The following MGMT variants were observed in gnomAD, a reference collection of about 807,000 sequenced individuals.
The protein encoded by MGMT is methylated-DNA--protein-cysteine methyltransferase.
Under a neutral mutation model 15.9 loss-of-function variants are expected in MGMT, and 14 were observed. That is an observed-to-expected ratio of 0.88 (90% confidence interval 0.58 to 1.37). MGMT has a LOEUF of 1.37. Ranked by LOEUF, MGMT falls within the 40% of genes most tolerant of loss-of-function variation. The probability of loss-of-function intolerance (pLI) is 0.00; values close to 1 mark genes in which losing one functional copy is unlikely to be tolerated. For synonymous variants in MGMT, 130 were observed against 118.2 expected, an observed-to-expected ratio of 1.10 and a Z score of -0.65; for missense variants, 282 against 268.1, an observed-to-expected ratio of 1.05 and a Z score of -0.36.
At chr10:129,616,245 C>T (rs1181370107) in intron 2 of MGMT, among the ~76,000 whole-genome samples, 1 of 152,178 alleles carries the variant, frequency 6.6e-6, no homozygotes, top group African/African-American at 2.4e-5. Context: ...ACGCATGCCA[C>T]GGTGCTTAGG....
At chr10:129,675,588 A>G (rs1054855267) in intron 2 of MGMT, among the ~76,000 whole-genome samples, 2 of 152,048 alleles carry the variant, frequency 1.3e-5, no homozygotes, top group African/African-American at 2.4e-5. Context: ...GGCGGGAACA[A>G]CGCTTCAACC....
chr10:129,766,747 C>T (rs758250031), intron 4 of MGMT, 41 bp from the exon 5 acceptor site: 1 of 1,575,702 alleles, frequency 6.3e-7, no homozygotes, highest in Non-Finnish European at 8.6e-7. Flanking sequence ...ACCTCGTTGT[C>T]CAGATCCCTG....
At chr10:129,579,941 G>T (rs1375434239) in intron 2 of MGMT, among the ~76,000 whole-genome samples, 2 of 152,206 alleles carry the variant, frequency 1.3e-5, no homozygotes, top group Non-Finnish European at 2.9e-5. Flanking sequence ...CAGCCACCCA[G>T]GCCTGCCCGT....
chr10:129,572,052 C>T (rs960066247), intron 2 of MGMT, among the ~76,000 whole-genome samples: 1 of 152,168 alleles, frequency 6.6e-6, no homozygotes, highest in Non-Finnish European at 1.5e-5. Context: ...AAGCTATAAT[C>T]TTCCTTTAGT....
At chr10:129,657,679 A>ACACACACACACACACACACACACACACG (rs1414934933) in intron 2 of MGMT, among the ~76,000 whole-genome samples, 2 of 126,070 alleles carry the variant, frequency 1.6e-5, no homozygotes, top group African/African-American at 6.6e-5. Context: ...CCTCCAACAC[A>ACACACACACACACACACACACACACACG]CACACACACA....
chr10:129,471,373 T>C (rs1491003142), intron 1 of MGMT, among the ~76,000 whole-genome samples: 2 of 152,336 alleles, frequency 1.3e-5, no homozygotes, highest in East Asian at 3.9e-4. Context: ...GCATTATATG[T>C]TGAAATGCAA....
At chr10:129,583,411 T>G (rs918458778) in intron 2 of MGMT, among the ~76,000 whole-genome samples, 4 of 152,224 alleles carry the variant, frequency 2.6e-5, no homozygotes, top group Non-Finnish European at 4.4e-5. Flanking sequence ...TCATCAGATT[T>G]TTGAAGGCAA....
At chr10:129,699,927 G>A (rs1444025832) in intron 2 of MGMT, among the ~76,000 whole-genome samples, 2 of 151,996 alleles carry the variant, frequency 1.3e-5, no homozygotes, top group African/African-American at 4.8e-5. Flanking sequence ...GTGATAAGTG[G>A]GAGGCCCTCT....
At chr10:129,700,604 C>T (rs554990157) in intron 2 of MGMT, 2 of 152,262 alleles carry the variant, frequency 1.3e-5, no homozygotes, top group South Asian at 4.1e-4. Context: ...CACCACTAAC[C>T]GCATGCATTT....
At chr10:129,551,723 T>C (rs57484382) in intron 2 of MGMT, among the ~76,000 whole-genome samples, 13,840 of 152,240 alleles carry the variant, frequency 0.091, 823 homozygotes, top group East Asian at 0.31. Context: ...ACCCCACCAC[T>C]GGGTGCAGTG....
intron 2 of MGMT, among the ~76,000 whole-genome samples, chr10:129,640,154 G>A (rs1356718916): frequency 6.7e-6 from 1 of 149,114 alleles, no homozygotes; most frequent in Non-Finnish European, 1.5e-5. Context: ...CTGGAGTTCA[G>A]AGGCACGATC....
In MGMT at chr10:129,768,295, A is replaced by G. The variant is rs749992565; in HGVS notation, c.*1298A>G. Among the ~76,000 whole-genome samples the G allele has an allele frequency of 6.6e-6, 1 of 152,186 alleles. No individual in the cohort carries two copies. Among genetic ancestry groups the G allele is most frequent in the African/African-American group, 2.4e-5 (1 of 41,430 alleles). ...ATATCCCTTTCTGGCATCAGCCAAA[A>G]TCTCGGTTTTTCCTATGACATGAAG... On this transcript the variant is annotated 3_prime_UTR_variant, in exon 5 of 5. Coordinates refer to ENST00000651593, the MANE Select transcript of MGMT (RefSeq NM_002412.5).
rs72831517 is a variant in MGMT, at chr10:129,472,210, C to T, written c.-13+4914C>T. Reference sequence around the variant, plus strand: ...AATTGAGCTTTTCTACAGGAAGTGCCAGGCCGTGTGTGGGAGTGATGCTGT... The same window carrying T: ...AATTGAGCTTTTCTACAGGAAGTGCTAGGCCGTGTGTGGGAGTGATGCTGT... On this transcript the variant is annotated intron_variant, in intron 1 of 4. Coordinates refer to ENST00000651593, the MANE Select transcript of MGMT (RefSeq NM_002412.5). Among the ~76,000 whole-genome samples the T allele has an allele frequency of 6.6e-3, 1,008 of 152,148 alleles. 7 individuals carry two copies. The highest frequency in any genetic ancestry group is 0.016 in the Admixed American group (244 of 15,296).
chr10:129,697,854 A>C (rs1037198002), intron 2 of MGMT, among the ~76,000 whole-genome samples: 1 of 151,980 alleles, frequency 6.6e-6, no homozygotes, highest in Non-Finnish European at 1.5e-5. Context: ...CGTCTCATCT[A>C]CTCTCACTGG....
intron 2 of MGMT, among the ~76,000 whole-genome samples, chr10:129,639,267 A>T (rs747404646): frequency 4.6e-5 from 7 of 152,164 alleles, no homozygotes; most frequent in Non-Finnish European, 7.4e-5. Flanking sequence ...CTACAAAAAA[A>T]GTTACTAGGG....
intron 2 of MGMT, among the ~76,000 whole-genome samples, chr10:129,595,818 C>T (rs559233562): frequency 3.3e-5 from 5 of 152,220 alleles, no homozygotes; most frequent in Admixed American, 6.5e-5. Flanking sequence ...CACGAGCCGT[C>T]GGGGAGTTCC....
At chr10:129,573,649 A>T (rs1272452424) in intron 2 of MGMT, among the ~76,000 whole-genome samples, 1 of 151,884 alleles carries the variant, frequency 6.6e-6, no homozygotes, top group African/African-American at 2.4e-5. Flanking sequence ...ACCTATCTTT[A>T]TTTTCATCTA....
At chr10:129,639,092 A>C (rs1847297898) in intron 2 of MGMT, among the ~76,000 whole-genome samples, 1 of 152,180 alleles carries the variant, frequency 6.6e-6, no homozygotes, top group African/African-American at 2.4e-5. Context: ...TTAAGTTAGA[A>C]AATGAACAGA....
chr10:129,658,848 G>A (rs931148847), intron 2 of MGMT, among the ~76,000 whole-genome samples: 3 of 152,064 alleles, frequency 2.0e-5, no homozygotes, highest in South Asian at 2.1e-4. Flanking sequence ...CTTAGCTCGC[G>A]TGCCCAACCC....
Sources: allele counts gnomAD v4.1 joint callset (sites outside exome capture counted in the v4.1 genomes callset), GRCh38; gene constraint gnomAD v4.1.1; transcripts MANE v1.5; gene names NCBI Gene and HGNC (gene_info 2026-07-23, HGNC 2026-07-21).